The following GNPTAB variants were observed in gnomAD, a reference collection of about 807,000 sequenced individuals.
The protein encoded by GNPTAB is N-acetylglucosamine-1-phosphotransferase subunits alpha/beta.
A neutral mutation model predicts 136.6 loss-of-function variants in GNPTAB; 92 were observed. The observed-to-expected ratio is 0.67, with a 90% CI of 0.57 to 0.80. The LOEUF (loss-of-function observed/expected upper bound fraction) is 0.80. Ranked by LOEUF, GNPTAB falls within the 30% of genes least tolerant of loss-of-function variation. The probability of loss-of-function intolerance (pLI) is 0.00; values close to 1 mark genes in which losing one functional copy is unlikely to be tolerated. For missense variants in GNPTAB, 1,343 were observed against 1,501.8 expected (o/e 0.89, Z 1.75); for synonymous variants, 512 against 535.1 (o/e 0.96, Z 0.60).
At chr12:101,748,852 T>TGATAACTCA (rs1952773362) in intron 20 of GNPTAB, among the ~76,000 whole-genome samples, 1 of 152,224 alleles carries the variant, frequency 6.6e-6, no homozygotes, top group African/African-American at 2.4e-5. Context: ...GCCTGATATC[T>TGATAACTCA]ACAAGTTAAT....
chr12:101,757,151 T>C (rs1040081337), intron 18 of GNPTAB, 61 bp downstream of exon 18: 1 of 918,104 alleles, frequency 1.1e-6, no homozygotes, highest in Non-Finnish European at 1.8e-6. Context: ...TACTCCCTTC[T>C]TTCCAGTCCT....
chr12:101,748,763 G>A (rs1952772319), intron 20 of GNPTAB, among the ~76,000 whole-genome samples: 1 of 152,168 alleles, frequency 6.6e-6, no homozygotes, highest in East Asian at 1.9e-4. Flanking sequence ...AAGAAAATTG[G>A]AGACCCATAG....
At position 101,786,158 on chromosome 12, in the gene GNPTAB, T is replaced by C. The variant is rs1467284350; in HGVS notation, c.425A>G (p.Asp142Gly). 1 of 1,613,928 alleles carries C rather than the reference T, an allele frequency of 6.2e-7. No homozygotes were observed. The change falls in exon 5 of 21, where the codon GAC (aspartate) becomes GGC (glycine). Residue 142 changes from aspartate (D) to glycine (G), a missense_variant. Transcript: ENST00000299314. The stretch of plus-strand genomic sequence containing the variant: ...GGTGATGTTGGCTGGCAGGGCTGGG[T>C]CCAGGACAAGCATTGGCACCTTAAT... ...HCIKVPMLVL[D>G]PALPANITLK...
chr12:101,808,592 T>C (rs1317510380), intron 1 of GNPTAB, among the ~76,000 whole-genome samples: 1 of 152,064 alleles, frequency 6.6e-6, no homozygotes, highest in Admixed American at 6.6e-5. Context: ...TGGTAACTTT[T>C]TGGATACAAC....
At chr12:101,751,384 T>G (rs1303845469) in intron 19 of GNPTAB, among the ~76,000 whole-genome samples, 1 of 152,310 alleles carries the variant, frequency 6.6e-6, no homozygotes, top group South Asian at 2.1e-4. Context: ...CTGGTATCTG[T>G]CTCCCTGGAT....
intron 7 of GNPTAB, among the ~76,000 whole-genome samples, chr12:101,777,147 C>T (rs1353589919): frequency 1.3e-5 from 2 of 152,238 alleles, no homozygotes; most frequent in African/African-American, 4.8e-5. Flanking sequence ...GCTTGTAAGT[C>T]ACCAAGTGAT....
chr12:101,819,041 C>T (rs1594260373), intron 1 of GNPTAB, among the ~76,000 whole-genome samples: 2 of 151,466 alleles, frequency 1.3e-5, no homozygotes, highest in Non-Finnish European at 2.9e-5. Flanking sequence ...GACAGAGTCT[C>T]GCTCTTGTCG....
intron 17 of GNPTAB, 116 bp downstream of exon 17, chr12:101,757,456 T>A: frequency 5.2e-6 from 4 of 770,380 alleles, no homozygotes; most frequent in Non-Finnish European, 9.0e-6. Flanking sequence ...CAGCAAACAA[T>A]CTCATATAAA....
At chr12:101,801,372 T>TG (rs1304332720) in intron 1 of GNPTAB, among the ~76,000 whole-genome samples, 2 of 150,672 alleles carry the variant, frequency 1.3e-5, no homozygotes, top group Non-Finnish European at 3.0e-5. Context: ...CAAAACCCTG[T>TG]CTCTACAACT....
Position 101,746,326 on chromosome 12 carries a change from A to C in GNPTAB, c.*838T>G, listed in dbSNP as rs554489206. ...AGATAGCTACTGGAATATACCAATG[A>C]GTATTAAACAAGACACCACTGTAAT... On this transcript the variant is annotated 3_prime_UTR_variant, in exon 21 of 21. Coordinates refer to ENST00000299314, the MANE Select transcript of GNPTAB (RefSeq NM_024312.5). The C allele has an allele frequency of 2.6e-5, 4 of 152,354 alleles. No homozygotes were observed. Among genetic ancestry groups the C allele is most frequent in the African/African-American group, 7.2e-5 (3 of 41,578 alleles). 9.4% of individuals were successfully genotyped at this position (152,354 alleles called of 1,614,324 possible).
chr12:101,786,138 T>A lies in GNPTAB; in HGVS notation c.445A>T (p.Ile149Phe), dbSNP rs141222937. The part of the protein sequence containing the change: ...LVLDPALPAN[I>F]TLKDLPSLYP... The stretch of plus-strand genomic sequence containing the variant: ...AGAGATGGCAGGTCCTTCAGGGTGA[T>A]GTTGGCTGGCAGGGCTGGGTCCAGG... Residue 149 changes from isoleucine to phenylalanine, a missense_variant, in exon 5 of 21, where the codon ATC (isoleucine) becomes TTC (phenylalanine). By Grantham distance (21) the Ile-to-Phe change is conservative. Coordinates refer to ENST00000299314, the MANE Select transcript of GNPTAB (RefSeq NM_024312.5). The A allele has an allele frequency of 5.6e-6, 9 of 1,614,010 alleles. No individual in the cohort carries two copies. The African/African-American group carries it at 1.2e-4, about 22-fold the overall frequency.
At chr12:101,764,164 C>T (rs1953047051) in intron 13 of GNPTAB, 38 bp downstream of exon 13, 1 of 1,613,046 alleles carries the variant, frequency 6.2e-7, no homozygotes, top group East Asian at 2.2e-5. Flanking sequence ...ATTTACTCTT[C>T]CTGAGCATGA....
At chr12:101,763,818 G>A (rs956611998) in intron 13 of GNPTAB, among the ~76,000 whole-genome samples, 4 of 152,168 alleles carry the variant, frequency 2.6e-5, no homozygotes, top group African/African-American at 9.7e-5. Context: ...CTGTTATAAT[G>A]TTGGGGAAGC....
At chr12:101,771,750 G>A (rs1953179771) in intron 7 of GNPTAB, among the ~76,000 whole-genome samples, 1 of 152,228 alleles carries the variant, frequency 6.6e-6, no homozygotes, top group South Asian at 2.1e-4. Flanking sequence ...TCTCCTGAGA[G>A]GCAAGAATCC....
At chr12:101,784,882 G>A (rs966006869) in intron 5 of GNPTAB, among the ~76,000 whole-genome samples, 4 of 152,140 alleles carry the variant, frequency 2.6e-5, no homozygotes, top group Non-Finnish European at 5.9e-5. Context: ...TCCAAATAGA[G>A]ACAATCCATG....
In GNPTAB at chr12:101,771,082, G is replaced by T. The variant is rs1394029506; in HGVS notation, c.847C>A (p.Gln283Lys). 6.2e-7 allele frequency: 1 copy of T among 1,613,546 alleles called. No individual in the cohort carries two copies. Among genetic ancestry groups the T allele is most frequent in the East Asian group, 2.2e-5 (1 of 44,886 alleles). ...NPKDFQELNK[Q>K]TKKNMTIDGK... is the part of the protein sequence containing the mutation. ...TCAATGGTCATGTTCTTCTTAGTTTGCTTATTCAATTCTTGAAAATCCTTG... is the reference window on the plus strand; with the variant it reads ...TCAATGGTCATGTTCTTCTTAGTTTTCTTATTCAATTCTTGAAAATCCTTG... The change falls in exon 8 of 21, where the codon CAA becomes AAA. Residue 283 changes from glutamine to lysine, a missense_variant. Transcript: ENST00000299314.
chr12:101,762,930 G>C (rs1232420429), intron 13 of GNPTAB, among the ~76,000 whole-genome samples: 1 of 136,576 alleles, frequency 7.3e-6, no homozygotes, highest in South Asian at 2.2e-4. Flanking sequence ...AAAAAGGAAA[G>C]AGGCCAGAGG....
chr12:101,786,377 A>G (rs1016243247), intron 4 of GNPTAB, among the ~76,000 whole-genome samples, 160 bp from the exon 5 acceptor site: 1 of 152,262 alleles, frequency 6.6e-6, no homozygotes, highest in African/African-American at 2.4e-5. Context: ...ACAAAAATTA[A>G]GTTAGCAAGT....
At chr12:101,762,731 A>G (rs906437549) in intron 13 of GNPTAB, among the ~76,000 whole-genome samples, 1 of 152,138 alleles carries the variant, frequency 6.6e-6, no homozygotes, top group Non-Finnish European at 1.5e-5. Context: ...CTATACATAC[A>G]TATAGGTATG....
Sources: gnomAD v4.1 joint callset for allele counts (sites outside exome capture counted in the v4.1 genomes callset) on GRCh38, gnomAD v4.1.1 for gene constraint, MANE v1.5 for transcripts, NCBI Gene and HGNC (gene_info 2026-07-23, HGNC 2026-07-21) for gene names.